Variants in GGT5 observed in about 807,000 individuals in gnomAD.
GGT5 encodes the protein gamma-glutamyltransferase 5.
Under a neutral mutation model 58.1 loss-of-function variants are expected in GGT5, and 50 were observed. The observed-to-expected ratio is 0.86, with a 90% CI of 0.69 to 1.09. The LOEUF (loss-of-function observed/expected upper bound fraction) is 1.09. Ranked by LOEUF, GGT5 falls within the 50% of genes least tolerant of loss-of-function variation. The probability of loss-of-function intolerance (pLI) is 0.00; values close to 1 mark genes in which losing one functional copy is unlikely to be tolerated. For missense variants in GGT5, 800 were observed against 789.4 expected (o/e 1.01, Z -0.16); for synonymous variants, 370 against 346.1 (o/e 1.07, Z -0.77).
rs747852888 is a variant in GGT5, at chr22:24,220,143, A to C, written c.1615-27T>G. On this transcript the variant is annotated intron_variant, in intron 11 of 11. Transcript: ENST00000327365. The stretch of plus-strand genomic sequence containing the variant: ...TGGAGAGGAGAGAAAGCAGGTTCAC[A>C]GGGGAGGGCAGCTCAGCCCATCTCC... 2.8e-5 allele frequency: 45 copies of C among 1,611,168 alleles called. No individual in the cohort carries two copies. The South Asian group carries it at 4.5e-4, about 16-fold the overall frequency.
chr22:24,229,949 T>TAGCC (rs1167704019), intron 6 of GGT5, among the ~76,000 whole-genome samples: 1 of 148,700 alleles, frequency 6.7e-6, no homozygotes, highest in Non-Finnish European at 1.5e-5. Flanking sequence ...AAAAATAAAA[T>TAGCC]AGCCAGGCAG....
At chr22:24,230,208 A>G (rs2047897449) in intron 6 of GGT5, among the ~76,000 whole-genome samples, 1 of 151,994 alleles carries the variant, frequency 6.6e-6, no homozygotes, top group Non-Finnish European at 1.5e-5. Flanking sequence ...TCTCTACCAA[A>G]AATACAAAAA....
chr22:24,237,919 A>G (rs1387138730), intron 1 of GGT5, among the ~76,000 whole-genome samples: 3 of 152,162 alleles, frequency 2.0e-5, no homozygotes, highest in Admixed American at 2.0e-4. Context: ...GAATTTTATC[A>G]AAGAACTGTC....
In GGT5 at chr22:24,233,976, C is replaced by G. The variant is rs749872439; in HGVS notation, c.202G>C (p.Val68Leu). 1 of 1,612,896 alleles carries G rather than the reference C, an allele frequency of 6.2e-7. No individual in the cohort carries two copies. Among genetic ancestry groups the G allele is most frequent in the Non-Finnish European group, 8.5e-7 (1 of 1,179,558 alleles). The change falls in exon 2 of 12, where the codon GTG becomes CTG. Residue 68 changes from valine to leucine, a missense_variant. Val to Leu is a conservative substitution (Grantham distance 32). Coordinates refer to ENST00000327365, the MANE Select transcript of GGT5 (RefSeq NM_004121.5). Reference protein sequence around the residue: ...RAILQQQGSPVDATIAALVCT... With the variant: ...RAILQQQGSPLDATIAALVCT... Reference sequence around the variant, plus strand: ...ACCAGAGCCGCGATGGTGGCATCCACGGGTGAGCCCTGCTGCTGGAGGATG... The same window carrying G: ...ACCAGAGCCGCGATGGTGGCATCCAGGGGTGAGCCCTGCTGCTGGAGGATG...
intron 1 of GGT5, among the ~76,000 whole-genome samples, chr22:24,236,263 C>T (rs1224065964): frequency 2.0e-5 from 3 of 152,152 alleles, no homozygotes; most frequent in Admixed American, 6.6e-5. Flanking sequence ...ACCACTCCCC[C>T]TTTTGCTCAG....
intron 1 of GGT5, among the ~76,000 whole-genome samples, chr22:24,237,260 C>T (rs938205998): frequency 2.4e-4 from 36 of 151,976 alleles, no homozygotes; most frequent in African/African-American, 8.2e-4. Flanking sequence ...ATGCCCCACA[C>T]GTGGGGTGCA....
intron 6 of GGT5, 32 bp downstream of exon 6, chr22:24,231,352 G>GGGGGGGGGGGGGGGT: frequency 7.1e-7 from 1 of 1,411,026 alleles, no homozygotes; most frequent in Non-Finnish European, 9.6e-7. Context: ...GGGGGAGGGG[G>GGGGGGGGGGGGGGGT]TGGGCGCCAG....
chr22:24,237,507 C>T (rs1206022643), intron 1 of GGT5, among the ~76,000 whole-genome samples: 3 of 152,110 alleles, frequency 2.0e-5, no homozygotes, highest in Admixed American at 2.0e-4. Flanking sequence ...CTCCTGGGTT[C>T]AAGCAATTCT....
rs937382251 is a variant in GGT5, at chr22:24,232,816, G to A, written c.596+7C>T. 6 of 1,493,060 alleles carry A rather than the reference G, an allele frequency of 4.0e-6. No homozygotes were observed. Among genetic ancestry groups the A allele is most frequent in the Non-Finnish European group, 5.4e-6 (6 of 1,113,166 alleles). 92.5% of individuals were successfully genotyped at this position (1,493,060 alleles called of 1,614,324 possible). A position where few individuals can be genotyped will look rare whatever the true frequency, so the allele number is the denominator to read the frequency against. ...CCAGGAACCCAGGGCCACCATGTGG[G>A]GCTCACCGCAGGGTTGACGCCTGCA... is the stretch of plus-strand genomic sequence containing the variant. On this transcript the variant is annotated splice_region_variant and intron_variant, in intron 4 of 11. Transcript: ENST00000327365.
chr22:24,238,844 T>A (rs1446155961), intron 1 of GGT5, among the ~76,000 whole-genome samples: 2 of 13,532 alleles, frequency 1.5e-4, no homozygotes, highest in Non-Finnish European at 2.3e-4. Flanking sequence ...TATATATATA[T>A]ATTATATATA....
chr22:24,244,315 ACC>A (rs34690574), intron 1 of GGT5: 98,383 of 431,916 alleles, frequency 0.23, 9,838 homozygotes, highest in African/African-American at 0.45. Context: ...ACACACACAC[ACC>A]CACCCACACA....
intron 6 of GGT5, among the ~76,000 whole-genome samples, chr22:24,228,648 C>T (rs1207451039): frequency 6.6e-6 from 1 of 151,940 alleles, no homozygotes. Flanking sequence ...GACAGGGTTT[C>T]ACTGTGTTAG....
At chr22:24,236,506 G>A (rs376655630) in intron 1 of GGT5, among the ~76,000 whole-genome samples, 124 of 152,328 alleles carry the variant, frequency 8.1e-4, no homozygotes, top group African/African-American at 2.9e-3. Context: ...GCTCATGCCT[G>A]TAATCCCAGC....
At position 24,232,858 on chromosome 22, in the gene GGT5, G is replaced by T; in HGVS notation, c.561C>A (p.Ser187Arg). The T allele has an allele frequency of 6.4e-7, 1 of 1,569,022 alleles. No individual in the cohort carries two copies. Among genetic ancestry groups the T allele is most frequent in the Non-Finnish European group, 8.7e-7 (1 of 1,155,824 alleles). Reference protein sequence around the residue: ...APVLSRFLHNSILRPSLQAST... With the variant: ...APVLSRFLHNRILRPSLQAST... ...ACGCCTGCAAGGAAGGCCGCAGGAT[G>T]CTGTTGTGCAGGAAACGGCTGAGGA... Residue 187 changes from serine to arginine, a missense_variant, in exon 4 of 12, where the codon AGC becomes AGA. By Grantham distance (110) the Ser-to-Arg change is moderately radical. Coordinates refer to ENST00000327365, the MANE Select transcript of GGT5 (RefSeq NM_004121.5).
At chr22:24,233,125 T>C in intron 3 of GGT5, 107 bp from the exon 4 acceptor site, 1 of 853,162 alleles carries the variant, frequency 1.2e-6, no homozygotes, top group Non-Finnish European at 1.7e-6. Flanking sequence ...GTGAGCTTTC[T>C]GGAGCCCACA....
intron 11 of GGT5, among the ~76,000 whole-genome samples, chr22:24,222,371 C>A (rs180887198): frequency 1.3e-5 from 2 of 152,090 alleles, no homozygotes; most frequent in Non-Finnish European, 2.9e-5. Context: ...CCATGCCTGA[C>A]CTACTAATTG....
chr22:24,238,629 G>C (rs1220841084), intron 1 of GGT5, among the ~76,000 whole-genome samples: 1 of 137,476 alleles, frequency 7.3e-6, no homozygotes, highest in Admixed American at 7.9e-5. Context: ...ACTTGAACCC[G>C]GGAGGCAGAA....
intron 1 of GGT5, among the ~76,000 whole-genome samples, chr22:24,240,486 T>A (rs1218069597): frequency 2.6e-5 from 4 of 151,400 alleles, no homozygotes; most frequent in Non-Finnish European, 4.4e-5. Context: ...AAGAAAGCTG[T>A]ATAACTTTTT....
intron 4 of GGT5, 60 bp from the exon 5 acceptor site, chr22:24,232,268 G>A (rs1005547316): frequency 5.7e-6 from 6 of 1,056,502 alleles, no homozygotes; most frequent in East Asian, 2.6e-5. Context: ...ACACTCTTCC[G>A]GGGCTCTCAT....
Sources: gnomAD v4.1 joint callset for allele counts (sites outside exome capture counted in the v4.1 genomes callset) on GRCh38, gnomAD v4.1.1 for gene constraint, MANE v1.5 for transcripts, NCBI Gene and HGNC (gene_info 2026-07-23, HGNC 2026-07-21) for gene names.